Variants in FREM3 observed in about 807,000 individuals in gnomAD.
FREM3 encodes the protein FRAS1 related extracellular matrix 3.
Under a neutral mutation model 129.1 loss-of-function variants are expected in FREM3, and 105 were observed. The ratio of observed to expected loss-of-function variants is 0.81; its 90% CI spans 0.69 to 0.96. The LOEUF (loss-of-function observed/expected upper bound fraction) is 0.96, where lower values mean the gene tolerates loss of function less well. Ranked by LOEUF, FREM3 falls within the 40% of genes least tolerant of loss-of-function variation. The probability of loss-of-function intolerance (pLI) is 0.00; values close to 1 mark genes in which losing one functional copy is unlikely to be tolerated. For synonymous variants in FREM3, 1,014 were observed against 1,044.9 expected (o/e 0.97, Z 0.57); for missense variants, 2,593 against 2,666.3 (o/e 0.97, Z 0.61).
chr4:143,674,997 C>T (rs1320110502), intron 2 of FREM3, among the ~76,000 whole-genome samples: 2 of 152,178 alleles, frequency 1.3e-5, no homozygotes, highest in Admixed American at 1.3e-4. Context: ...AGAAAGTTAA[C>T]AAGGATATCC....
chr4:143,610,285 C>T (rs140817487), intron 6 of FREM3, among the ~76,000 whole-genome samples: 9 of 152,160 alleles, frequency 5.9e-5, no homozygotes, highest in African/African-American at 1.7e-4. Flanking sequence ...AACAGAAGAC[C>T]GCCTTTAATC....
At chr4:143,594,114 G>T (rs1738419724) in intron 6 of FREM3, among the ~76,000 whole-genome samples, 1 of 152,208 alleles carries the variant, frequency 6.6e-6, no homozygotes, top group Non-Finnish European at 1.5e-5. Flanking sequence ...CGAGTTTCCA[G>T]GTGCCGTCTG....
At chr4:143,669,196 C>A (rs1385442408) in intron 2 of FREM3, among the ~76,000 whole-genome samples, 1 of 152,128 alleles carries the variant, frequency 6.6e-6, no homozygotes, top group Non-Finnish European at 1.5e-5. Flanking sequence ...GACTGAGAGG[C>A]CTGTGAACCA....
At chr4:143,592,799 G>A (rs1283020052) in intron 6 of FREM3, among the ~76,000 whole-genome samples, 1 of 152,144 alleles carries the variant, frequency 6.6e-6, no homozygotes, top group Non-Finnish European at 1.5e-5. Flanking sequence ...TTGCTAGATT[G>A]GGGAAGTTCT....
chr4:143,622,091 C>CTT (rs35974796), intron 4 of FREM3, among the ~76,000 whole-genome samples: 17 of 137,378 alleles, frequency 1.2e-4, no homozygotes, highest in East Asian at 4.2e-4. Context: ...AGGCAATCAC[C>CTT]TTTTTTTTTT....
chr4:143,621,324 T>G (rs1352672872), intron 4 of FREM3, among the ~76,000 whole-genome samples, 162 bp from the exon 5 acceptor site: 1 of 152,180 alleles, frequency 6.6e-6, no homozygotes, highest in Admixed American at 6.5e-5. Context: ...TATTATTGAG[T>G]GGAGCTGGAG....
At chr4:143,646,648 G>A (rs1243031839) in intron 2 of FREM3, among the ~76,000 whole-genome samples, 1 of 152,124 alleles carries the variant, frequency 6.6e-6, no homozygotes, top group Non-Finnish European at 1.5e-5. Context: ...CACCATAATT[G>A]TGAATTTCTT....
intron 7 of FREM3, among the ~76,000 whole-genome samples, chr4:143,581,716 A>AC (rs1738146801): frequency 6.6e-6 from 1 of 151,708 alleles, no homozygotes; most frequent in African/African-American, 2.4e-5. Flanking sequence ...TGAGACCCCA[A>AC]CCCCCTGCTC....
At chr4:143,582,577 C>T (rs146323462) in intron 7 of FREM3, among the ~76,000 whole-genome samples, 66 of 152,118 alleles carry the variant, frequency 4.3e-4, no homozygotes, top group African/African-American at 1.4e-3. Context: ...AAAGAACTAG[C>T]GTAAGAACTC....
At chr4:143,579,849 A>G (rs1738101403) in intron 7 of FREM3, among the ~76,000 whole-genome samples, 1 of 152,238 alleles carries the variant, frequency 6.6e-6, no homozygotes, top group Admixed American at 6.5e-5. Context: ...TATAAACCTT[A>G]CTTCTACAAC....
chr4:143,617,167 T>C (rs1578836294), intron 5 of FREM3, among the ~76,000 whole-genome samples: 1 of 123,728 alleles, frequency 8.1e-6, no homozygotes, highest in South Asian at 2.1e-4. Context: ...TCCAAGTCTT[T>C]ACTTAAAGAA....
intron 2 of FREM3, among the ~76,000 whole-genome samples, chr4:143,691,081 A>G (rs1029556924): frequency 6.6e-6 from 1 of 152,196 alleles, no homozygotes; most frequent in South Asian, 2.1e-4. Context: ...CCTGGATCTA[A>G]GGGAAAAAAA....
At chr4:143,616,891 G>T (rs540077981) in intron 5 of FREM3, among the ~76,000 whole-genome samples, 2 of 152,286 alleles carry the variant, frequency 1.3e-5, no homozygotes, top group Admixed American at 1.3e-4. Context: ...GTGGGGCGAG[G>T]TCCATGGCTT....
intron 2 of FREM3, among the ~76,000 whole-genome samples, chr4:143,689,416 G>T (rs796486939): frequency 1.3e-5 from 2 of 152,068 alleles, no homozygotes; most frequent in Non-Finnish European, 2.9e-5. Flanking sequence ...GTTAATCAGG[G>T]ATCACTTCTA....
chr4:143,605,227 A>G (rs1356685623), intron 6 of FREM3, among the ~76,000 whole-genome samples: 1 of 152,068 alleles, frequency 6.6e-6, no homozygotes, highest in Non-Finnish European at 1.5e-5. Flanking sequence ...AATTTTCTCA[A>G]GTTCTCTTAT....
intron 2 of FREM3, among the ~76,000 whole-genome samples, chr4:143,672,039 C>T (rs894976586): frequency 2.6e-5 from 4 of 152,178 alleles, no homozygotes; most frequent in African/African-American, 9.6e-5. Flanking sequence ...CTCTCTCTCC[C>T]ATTGTCACTG....
chr4:143,623,784 C>T (rs1738996915), intron 4 of FREM3, among the ~76,000 whole-genome samples: 1 of 151,962 alleles, frequency 6.6e-6, no homozygotes, highest in African/African-American at 2.4e-5. Context: ...AGATGGTGGC[C>T]CTGAAATGAG....
chr4:143,652,360 C>T (rs1329914052), intron 2 of FREM3, among the ~76,000 whole-genome samples: 1 of 100,634 alleles, frequency 9.9e-6, no homozygotes, highest in Non-Finnish European at 2.3e-5. Context: ...GACGGGGTTT[C>T]ACCTTGTTAG....
At chr4:143,620,898 G>A in intron 5 of FREM3, 139 bp downstream of exon 5, 3 of 764,752 alleles carry the variant, frequency 3.9e-6, no homozygotes, top group Non-Finnish European at 6.1e-6. Context: ...GGGGTTCGCA[G>A]CAGGGCATGG....
Sources: gnomAD v4.1 joint callset for allele counts (sites outside exome capture counted in the v4.1 genomes callset) on GRCh38, gnomAD v4.1.1 for gene constraint, MANE v1.5 for transcripts, NCBI Gene and HGNC (gene_info 2026-07-23, HGNC 2026-07-21) for gene names.